The following LIMD1 variants were observed in gnomAD, a reference collection of about 807,000 sequenced individuals.
LIMD1 encodes LIM domain-containing protein 1.
LIMD1 carries 23 observed loss-of-function variants against 58.4 expected under a neutral mutation model. That is an observed-to-expected ratio of 0.39 (90% confidence interval 0.28 to 0.56). The LOEUF (loss-of-function observed/expected upper bound fraction) is 0.56. LIMD1 is among the 20% of genes least tolerant of loss of function. The pLI is 0.57. For missense variants in LIMD1, 838 were observed against 855.5 expected (o/e 0.98, Z 0.25); for synonymous variants, 334 against 345.5 (o/e 0.97, Z 0.37).
At chr3:45,632,906 GC>G (rs1701750234) in intron 1 of LIMD1, among the ~76,000 whole-genome samples, 1 of 152,224 alleles carries the variant, frequency 6.6e-6, no homozygotes, top group African/African-American at 2.4e-5. Context: ...GCTTAAAGGA[GC>G]CTTAAAGATG....
rs1441814402 is a variant in LIMD1 at position 45,685,451 on chromosome 3, CTA to C, written c.*8394_*8395del. On this transcript the variant is annotated 3_prime_UTR_variant, in exon 8 of 8. Coordinates refer to ENST00000273317, the MANE Select transcript of LIMD1 (RefSeq NM_014240.3). Reference sequence around the variant, plus strand: ...GAAGCATTTCTTTTCCCCCTAAAGCCTATGAGACAGGCTGCAACTTAAACCCC... The same window carrying C: ...GAAGCATTTCTTTTCCCCCTAAAGCCTGAGACAGGCTGCAACTTAAACCCC... 1 of 152,154 alleles carries C rather than the reference CTA, an allele frequency of 6.6e-6. No individual in the cohort carries two copies. The highest frequency in any genetic ancestry group is 1.5e-5 in the Non-Finnish European group (1 of 68,034). The allele number at this position is 152,154 out of a possible 1,614,324, so 9.4% of individuals were successfully genotyped here.
intron 4 of LIMD1, 58 bp from the exon 5 acceptor site, chr3:45,672,632 C>T (rs1575368198): frequency 4.4e-6 from 7 of 1,590,080 alleles, no homozygotes; most frequent in Non-Finnish European, 6.0e-6. Flanking sequence ...TGTTCCTCTC[C>T]CCTTCCACCA....
At position 45,679,933 on chromosome 3, in the gene LIMD1, T is replaced by C. The variant is rs531662585; in HGVS notation, c.*2874T>C. 1 of 152,318 alleles carries C rather than the reference T, an allele frequency of 6.6e-6. No individual in the cohort carries two copies. Among genetic ancestry groups the C allele is most frequent in the South Asian group, 2.1e-4 (1 of 4,826 alleles). The allele number at this position is 152,318 out of a possible 1,614,324, so 9.4% of individuals were successfully genotyped here. ...ACAGCAGGATGGCACTTCCCATTTC[T>C]CTGTGGTTAGTGCTCGAGTGAAAAC... On this transcript the variant is annotated 3_prime_UTR_variant, in exon 8 of 8. Transcript: ENST00000273317.
chr3:45,619,805 TTAA>T (rs1701612910), intron 1 of LIMD1, among the ~76,000 whole-genome samples: 1 of 148,092 alleles, frequency 6.8e-6, no homozygotes. Context: ...TCTAAAAAAA[TTAA>T]TAATAATAAC....
intron 2 of LIMD1, among the ~76,000 whole-genome samples, chr3:45,664,657 G>A (rs1041491558): frequency 2.0e-5 from 3 of 152,238 alleles, no homozygotes; most frequent in African/African-American, 7.2e-5. Context: ...TCTGAGGAAT[G>A]TTCTTTGACA....
chr3:45,601,578 C>T (rs1209305036), intron 1 of LIMD1, among the ~76,000 whole-genome samples: 3 of 152,170 alleles, frequency 2.0e-5, no homozygotes, highest in Non-Finnish European at 2.9e-5. Context: ...TAGTAGCTAC[C>T]GTGTGTCAAG....
intron 6 of LIMD1, 68 bp downstream of exon 6, chr3:45,673,573 C>A: frequency 8.0e-7 from 1 of 1,248,302 alleles, no homozygotes; most frequent in Non-Finnish European, 1.2e-6. Flanking sequence ...GGCTCATTTA[C>A]AAGATCCATG....
At chr3:45,597,504 C>CT (rs1175415100) in intron 1 of LIMD1, among the ~76,000 whole-genome samples, 1 of 152,220 alleles carries the variant, frequency 6.6e-6, no homozygotes, top group Non-Finnish European at 1.5e-5. Context: ...CTAGCTTCAA[C>CT]TTTTTTTCTT....
Position 45,672,822 on chromosome 3 carries a change from TAAG to T in LIMD1, c.1772+6_1772+8del. On this transcript the variant is annotated splice_donor_5th_base_variant and intron_variant, in intron 5 of 7. Transcript: ENST00000273317. ...CTACTGTGTCCGAGATTACCACAAG[TAAG>T]AAGGGATGGGAGCAGACAGGACCCA... The T allele has an allele frequency of 6.2e-7, 1 of 1,613,266 alleles. No homozygotes were observed. The highest frequency in any genetic ancestry group is 8.5e-7 in the Non-Finnish European group (1 of 1,179,620).
intron 1 of LIMD1, among the ~76,000 whole-genome samples, chr3:45,623,141 G>T (rs565368232): frequency 6.0e-4 from 91 of 152,292 alleles, no homozygotes; most frequent in African/African-American, 2.1e-3. Context: ...TCCCCTCTTT[G>T]CATGTGACTC....
At chr3:45,648,012 C>G (rs61452306) in intron 2 of LIMD1, among the ~76,000 whole-genome samples, 4,605 of 152,260 alleles carry the variant, frequency 0.03, 76 homozygotes, top group Non-Finnish European at 0.041. Context: ...CATGTGCACC[C>G]TTCATTTGCC....
At chr3:45,635,780 C>A in intron 1 of LIMD1, 14 of 346,158 alleles carry the variant, frequency 4.0e-5, no homozygotes, top group East Asian at 1.8e-4. Flanking sequence ...AAAGAAATTT[C>A]CCAACCTGCA....
chr3:45,631,529 G>C (rs1293954873), intron 1 of LIMD1, among the ~76,000 whole-genome samples: 1 of 152,072 alleles, frequency 6.6e-6, no homozygotes. Context: ...TCCTTGTTTT[G>C]TATCTGTGCT....
intron 1 of LIMD1, among the ~76,000 whole-genome samples, chr3:45,630,974 C>T (rs552676788): frequency 3.3e-5 from 5 of 152,204 alleles, no homozygotes; most frequent in South Asian, 2.1e-4. Context: ...GAGGCCGAGG[C>T]GGGCGGATCA....
At chr3:45,609,585 G>A (rs1310783320) in intron 1 of LIMD1, among the ~76,000 whole-genome samples, 6 of 152,184 alleles carry the variant, frequency 3.9e-5, no homozygotes, top group African/African-American at 1.4e-4. Context: ...AACCCCAAGT[G>A]GGTCACTGGC....
intron 1 of LIMD1, among the ~76,000 whole-genome samples, chr3:45,606,392 C>G (rs1701468049): frequency 6.6e-6 from 1 of 152,186 alleles, no homozygotes; most frequent in South Asian, 2.1e-4. Context: ...TTTTTGTACT[C>G]TGGTGGAGCC....
intron 2 of LIMD1, among the ~76,000 whole-genome samples, chr3:45,656,358 C>G (rs964672619): frequency 6.6e-6 from 1 of 151,182 alleles, no homozygotes; most frequent in Non-Finnish European, 1.5e-5. Context: ...AGAGTGTTGA[C>G]TTTGCACAAG....
intron 1 of LIMD1, among the ~76,000 whole-genome samples, chr3:45,618,324 C>T (rs1701594133): frequency 6.6e-6 from 1 of 152,190 alleles, no homozygotes; most frequent in Non-Finnish European, 1.5e-5. Context: ...GTGAGCTTGG[C>T]ACCTGCTCAG....
chr3:45,660,253 C>G (rs1226376055), intron 2 of LIMD1, among the ~76,000 whole-genome samples: 3 of 151,556 alleles, frequency 2.0e-5, no homozygotes, highest in African/African-American at 7.3e-5. Flanking sequence ...CACCTTCTTT[C>G]CTCTCTTGAG....
Sources: allele counts gnomAD v4.1 joint callset (sites outside exome capture counted in the v4.1 genomes callset), GRCh38; gene constraint gnomAD v4.1.1; transcripts MANE v1.5; gene names NCBI Gene and HGNC (gene_info 2026-07-23, HGNC 2026-07-21).